Variants in DAPL1 observed in about 807,000 individuals in gnomAD.
DAPL1 encodes the protein death-associated protein-like 1.
Under a neutral mutation model 12.9 loss-of-function variants are expected in DAPL1, and 17 were observed. The ratio of observed to expected loss-of-function variants is 1.32; its 90% CI spans 0.90 to 1.98. The LOEUF is 1.98. Among genes scored for constraint, DAPL1 ranks in the 30% most tolerant of loss-of-function variants. The probability of loss-of-function intolerance (pLI) is 0.00; values close to 1 mark genes in which losing one functional copy is unlikely to be tolerated. For missense variants in DAPL1, 157 were observed against 125.7 expected (o/e 1.25, Z -1.19); for synonymous variants, 51 against 42.0 (o/e 1.21, Z -0.82).
chr2:158,800,906 C>A (rs560460129), intron 1 of DAPL1, among the ~76,000 whole-genome samples: 47 of 152,286 alleles, frequency 3.1e-4, no homozygotes, highest in Admixed American at 7.2e-4. Context: ...GTGGTGCAAT[C>A]TCAGCTCCCT....
At chr2:158,800,255 C>G (rs1395193992) in intron 1 of DAPL1, among the ~76,000 whole-genome samples, 1 of 152,010 alleles carries the variant, frequency 6.6e-6, no homozygotes, top group Admixed American at 6.6e-5. Context: ...GTATTCATGA[C>G]AAAAGAACTT....
rs1419018289 is a variant in DAPL1 at position 158,804,307 on chromosome 2, C to CA, written c.90dup (p.Gln31ThrfsTer35). The CA allele has an allele frequency of 1.9e-6, 3 of 1,610,406 alleles. No homozygotes were observed. The highest frequency in any genetic ancestry group is 2.2e-5 in the South Asian group (2 of 90,296). On this transcript the variant is annotated frameshift_variant, in exon 2 of 4. Coordinates refer to ENST00000309950, the MANE Select transcript of DAPL1 (RefSeq NM_001017920.3). LOFTEE classifies it high-confidence loss of function. The stretch of plus-strand genomic sequence containing the variant: ...TAAAAGCTGGAGGAATGAGAATTTC[C>CA]AAAAAACAAGAAATTGGCACCTTGG...
intron 3 of DAPL1, among the ~76,000 whole-genome samples, chr2:158,808,992 G>A (rs1575229061): frequency 6.6e-6 from 1 of 152,040 alleles, no homozygotes; most frequent in South Asian, 2.1e-4. Context: ...TCTTCCCTAA[G>A]TAACAATACT....
At chr2:158,797,203 A>G (rs938561247) in intron 1 of DAPL1, among the ~76,000 whole-genome samples, 2 of 152,150 alleles carry the variant, frequency 1.3e-5, no homozygotes, top group African/African-American at 4.8e-5. Context: ...CCTCAACTTC[A>G]TTTCACATCT....
At chr2:158,814,516 C>A (rs939625199) in intron 3 of DAPL1, among the ~76,000 whole-genome samples, 1 of 152,152 alleles carries the variant, frequency 6.6e-6, no homozygotes, top group Non-Finnish European at 1.5e-5. Context: ...CCAGAGGTAA[C>A]CATTGCTAAC....
chr2:158,813,695 A>G (rs1393200126), intron 3 of DAPL1, among the ~76,000 whole-genome samples: 1 of 151,540 alleles, frequency 6.6e-6, no homozygotes, highest in Non-Finnish European at 1.5e-5. Flanking sequence ...AGCTGGGACT[A>G]CAGTCGCTCG....
chr2:158,807,233 T>C (rs1341431232), intron 3 of DAPL1, 118 bp downstream of exon 3: 3 of 584,812 alleles, frequency 5.1e-6, no homozygotes, highest in Non-Finnish European at 8.5e-6. Context: ...TTGAGGTCCT[T>C]GTGAAAGAAT....
At chr2:158,808,618 G>A (rs1238257688) in intron 3 of DAPL1, among the ~76,000 whole-genome samples, 3 of 152,150 alleles carry the variant, frequency 2.0e-5, no homozygotes, top group Admixed American at 6.5e-5. Flanking sequence ...CACTCAGGTC[G>A]ATTTAGGGTG....
intron 1 of DAPL1, among the ~76,000 whole-genome samples, chr2:158,797,728 T>C (rs2059142467): frequency 6.6e-6 from 1 of 151,880 alleles, no homozygotes; most frequent in African/African-American, 2.4e-5. Flanking sequence ...GAGGCAGAGA[T>C]TGCGGTGAGC....
At chr2:158,801,589 T>C (rs190116554) in intron 1 of DAPL1, among the ~76,000 whole-genome samples, 58 of 152,312 alleles carry the variant, frequency 3.8e-4, no homozygotes, top group African/African-American at 1.3e-3. Context: ...TGTGCATATA[T>C]ATATATAATT....
chr2:158,795,946 AT>A (rs1162220760), intron 1 of DAPL1, among the ~76,000 whole-genome samples: 1 of 152,172 alleles, frequency 6.6e-6, no homozygotes, highest in African/African-American at 2.4e-5. Flanking sequence ...TTGGGGATGT[AT>A]TTACCTGTCA....
intron 1 of DAPL1, among the ~76,000 whole-genome samples, chr2:158,800,049 C>T (rs183044379): frequency 1.7e-4 from 22 of 131,790 alleles, no homozygotes; most frequent in East Asian, 6.4e-4. Context: ...GGCGACAGAG[C>T]GAGACTCCAT....
At chr2:158,813,522 A>G (rs995796370) in intron 3 of DAPL1, among the ~76,000 whole-genome samples, 1 of 151,406 alleles carries the variant, frequency 6.6e-6, no homozygotes, top group Non-Finnish European at 1.5e-5. Context: ...AATATCTTCT[A>G]TCACTTATTC....
intron 3 of DAPL1, among the ~76,000 whole-genome samples, chr2:158,813,557 CT>C (rs11355982): frequency 0.33 from 43,184 of 132,278 alleles, 6,908 homozygotes; most frequent in African/African-American, 0.48. Flanking sequence ...TTTCCTTTTT[CT>C]TTTTTTTTTT....
At position 158,803,258 on chromosome 2, in the gene DAPL1, CT is replaced by C. The variant is rs1320950272; in HGVS notation, c.59-1020del. Among the ~76,000 whole-genome samples the C allele has an allele frequency of 2.6e-5, 4 of 152,224 alleles. No homozygotes were observed. In the East Asian group the frequency reaches 7.7e-4, roughly 29 times the overall value. On this transcript the variant is annotated intron_variant, in intron 1 of 3. Coordinates refer to ENST00000309950, the MANE Select transcript of DAPL1 (RefSeq NM_001017920.3). ...AGGGAGACTGCAGACCTTTTTATGG[CT>C]TTTGAATTTTGGGCCTTATGCAGAT... is the stretch of plus-strand genomic sequence containing the variant.
intron 3 of DAPL1, among the ~76,000 whole-genome samples, chr2:158,811,689 A>C (rs1348766702): frequency 4.6e-5 from 7 of 152,202 alleles, no homozygotes; most frequent in Non-Finnish European, 1.0e-4. Context: ...ATCCTTGTAC[A>C]TATACTGGCT....
chr2:158,797,889 T>C (rs1183951871), intron 1 of DAPL1, among the ~76,000 whole-genome samples: 1 of 152,130 alleles, frequency 6.6e-6, no homozygotes. Context: ...ATTAATATAA[T>C]ATATTGCATC....
chr2:158,815,823 C>T lies in DAPL1; in HGVS notation c.*2C>T, dbSNP rs771935788. The T allele has an allele frequency of 9.4e-6, 15 of 1,602,568 alleles. No homozygotes were observed. The South Asian group carries it at 1.5e-4, about 16-fold the overall frequency. Reference sequence around the variant, plus strand: ...ATTCAGCAGCCTCGAAAATGTTAAGCCTGGATTTAAAACACAGCCGTCTGG... The same window carrying T: ...ATTCAGCAGCCTCGAAAATGTTAAGTCTGGATTTAAAACACAGCCGTCTGG... On this transcript the variant is annotated 3_prime_UTR_variant, in exon 4 of 4. Coordinates refer to ENST00000309950, the MANE Select transcript of DAPL1 (RefSeq NM_001017920.3).
At chr2:158,814,601 G>T (rs376994576) in intron 3 of DAPL1, among the ~76,000 whole-genome samples, 1 of 152,138 alleles carries the variant, frequency 6.6e-6, no homozygotes. Context: ...GTCACATTTC[G>T]TATGAAAGGG....
Sources: gnomAD v4.1 joint callset for allele counts (sites outside exome capture counted in the v4.1 genomes callset) on GRCh38, gnomAD v4.1.1 for gene constraint, MANE v1.5 for transcripts, NCBI Gene and HGNC (gene_info 2026-07-23, HGNC 2026-07-21) for gene names.